The following ABI3BP variants were observed in gnomAD, a reference collection of about 807,000 sequenced individuals.
ABI3BP encodes target of Nesh-SH3.
Under a neutral mutation model 268.6 loss-of-function variants are expected in ABI3BP, and 216 were observed. The ratio of observed to expected loss-of-function variants is 0.80; its 90% CI spans 0.72 to 0.90. The LOEUF (loss-of-function observed/expected upper bound fraction) is 0.90. Ranked by LOEUF, ABI3BP falls within the 40% of genes least tolerant of loss-of-function variation. The probability of loss-of-function intolerance (pLI) is 0.00; values close to 1 mark genes in which losing one functional copy is unlikely to be tolerated. For synonymous variants in ABI3BP, 730 were observed against 730.0 expected (o/e 1.00, Z 0.00); for missense variants, 2,090 against 2,182.4 (o/e 0.96, Z 0.84).
rs1028358420 is a variant in ABI3BP, at chr3:100,935,949, C to T, written c.80-9468G>A. 4.6e-5 allele frequency among the ~76,000 whole-genome samples: 7 copies of T among 152,274 alleles called. No individual in the cohort carries two copies. The South Asian group carries it at 6.2e-4, about 14-fold the overall frequency. ...CAGAGACAATTTGACTTCCACTTTT[C>T]GTACTTGAGTACCCTTTATTTCTTT... On this transcript the variant is annotated intron_variant, in intron 1 of 67. Coordinates refer to ENST00000471714, the MANE Select transcript of ABI3BP (RefSeq NM_001375547.2).
chr3:100,749,538 G>C lies in ABI3BP; in HGVS notation c.*957C>G, dbSNP rs1217999673. On this transcript the variant is annotated 3_prime_UTR_variant, in exon 68 of 68. Coordinates refer to ENST00000471714, the MANE Select transcript of ABI3BP (RefSeq NM_001375547.2). The stretch of plus-strand genomic sequence containing the variant: ...TAGAAATAAATGAGTTAGTTAGTTA[G>C]ATTTTTATTACAGATTGAATTAAAC... 2 of 392,060 alleles carry C rather than the reference G, an allele frequency of 5.1e-6. No individual in the cohort carries two copies. Among genetic ancestry groups the C allele is most frequent in the Non-Finnish European group, 9.0e-6 (2 of 223,264 alleles). The allele number at this position is 392,060 out of a possible 1,614,324, so 24.3% of individuals were successfully genotyped here. A position where few individuals can be genotyped will look rare whatever the true frequency, so the allele number is the denominator to read the frequency against.
chr3:100,800,330 G>T (rs1325936760), intron 51 of ABI3BP, among the ~76,000 whole-genome samples: 18 of 151,554 alleles, frequency 1.2e-4, no homozygotes, highest in Admixed American at 2.0e-4. Flanking sequence ...CAATTTTAAT[G>T]TCTCCTAATT....
intron 3 of ABI3BP, 63 bp from the exon 4 acceptor site, chr3:100,898,957 T>TA: frequency 6.7e-7 from 1 of 1,489,440 alleles, no homozygotes; most frequent in Admixed American, 2.2e-5. Context: ...ATGATTCGGG[T>TA]AAAATGCATT....
chr3:100,844,036 G>A, intron 20 of ABI3BP: 1 of 975,534 alleles, frequency 1.0e-6, no homozygotes. Flanking sequence ...TAAGGTCTAT[G>A]TTTAGTAAAA....
At chr3:100,767,466 A>G (rs1052908937) in intron 62 of ABI3BP, among the ~76,000 whole-genome samples, 55 of 152,254 alleles carry the variant, frequency 3.6e-4, no homozygotes, top group African/African-American at 1.3e-3. Flanking sequence ...TGGCTCTCCG[A>G]ACGGACTGGA....
In ABI3BP at chr3:100,810,500, C is replaced by T. The variant is rs774287899; in HGVS notation, c.3542-23G>A. ...TTTCTATGGTAATTGAAGGAAAGTA[C>T]GCGGGTTACTATAGCACTTGACAGA... On this transcript the variant is annotated intron_variant, in intron 48 of 67. Transcript: ENST00000471714. 1.2e-5 allele frequency: 18 copies of T among 1,517,674 alleles called. No homozygotes were observed. In the Admixed American group the frequency reaches 2.2e-4, roughly 18 times the overall value. 94.0% of individuals were successfully genotyped at this position (1,517,674 alleles called of 1,614,324 possible).
intron 51 of ABI3BP, among the ~76,000 whole-genome samples, chr3:100,802,844 C>T (rs2097570896): frequency 8.8e-6 from 1 of 114,066 alleles, no homozygotes; most frequent in Non-Finnish European, 2.3e-5. Flanking sequence ...CATTAAACTA[C>T]ACATGTCATT....
At chr3:100,879,060 T>C (rs1444219052) in intron 6 of ABI3BP, among the ~76,000 whole-genome samples, 2 of 152,322 alleles carry the variant, frequency 1.3e-5, no homozygotes, top group Non-Finnish European at 2.9e-5. Flanking sequence ...AATTTTGAAC[T>C]ATACATTAAT....
chr3:100,941,222 G>A (rs920618335), intron 1 of ABI3BP, among the ~76,000 whole-genome samples: 3 of 151,766 alleles, frequency 2.0e-5, no homozygotes, highest in Non-Finnish European at 2.9e-5. Context: ...AGAACAGCAC[G>A]TTCCCTCTCC....
chr3:100,803,534 A>G (rs1031711759), intron 51 of ABI3BP, among the ~76,000 whole-genome samples: 1 of 145,988 alleles, frequency 6.8e-6, no homozygotes. Context: ...TGGCTTCAAT[A>G]ATGGCCAACT....
At chr3:100,857,515 A>G (rs2098952800) in intron 14 of ABI3BP, among the ~76,000 whole-genome samples, 1 of 152,172 alleles carries the variant, frequency 6.6e-6, no homozygotes, top group Non-Finnish European at 1.5e-5. Context: ...CACATTCACA[A>G]CGAGAATAAG....
intron 51 of ABI3BP, among the ~76,000 whole-genome samples, chr3:100,801,827 G>A (rs1351947936): frequency 1.1e-4 from 16 of 152,102 alleles, no homozygotes; most frequent in Non-Finnish European, 1.5e-4. Flanking sequence ...ATCTTAAGGA[G>A]GCAGTTCTCT....
intron 1 of ABI3BP, among the ~76,000 whole-genome samples, chr3:100,955,807 C>G (rs2076608772): frequency 2.0e-5 from 3 of 152,092 alleles, no homozygotes; most frequent in African/African-American, 7.2e-5. Flanking sequence ...ACAAAACAAA[C>G]AGTGAATAAA....
chr3:100,904,150 C>CCTCATGGCAATCCTACCTGG (rs2051954991), intron 2 of ABI3BP, among the ~76,000 whole-genome samples: 1 of 152,106 alleles, frequency 6.6e-6, no homozygotes, highest in Non-Finnish European at 1.5e-5. Flanking sequence ...TTCATTACTC[C>CCTCATGGCAATCCTACCTGG]CTCATGGCAA....
At chr3:100,857,117 G>C (rs75384798) in intron 14 of ABI3BP, among the ~76,000 whole-genome samples, 2,968 of 152,200 alleles carry the variant, frequency 0.02, 128 homozygotes, top group East Asian at 0.16. Context: ...GTGAAATGAA[G>C]ACCCATAGAT....
At chr3:100,853,582 A>T (rs1271551297) in intron 14 of ABI3BP, among the ~76,000 whole-genome samples, 1 of 152,110 alleles carries the variant, frequency 6.6e-6, no homozygotes, top group African/African-American at 2.4e-5. Context: ...TAACTCCTAA[A>T]GCTCCCTTCC....
chr3:100,885,646 C>G, intron 5 of ABI3BP, 58 bp from the exon 6 acceptor site: 1 of 1,057,050 alleles, frequency 9.5e-7, no homozygotes, highest in Non-Finnish European at 1.4e-6. Context: ...TAAATCAACT[C>G]TAGCTAATCA....
intron 6 of ABI3BP, among the ~76,000 whole-genome samples, chr3:100,878,912 T>G (rs1328959905): frequency 6.6e-6 from 1 of 152,246 alleles, no homozygotes; most frequent in Non-Finnish European, 1.5e-5. Context: ...TTCATAATTG[T>G]ATCTATTTCT....
At position 100,883,344 on chromosome 3, in the gene ABI3BP, T is replaced by C. The variant is rs146829967; in HGVS notation, c.696+2192A>G. On this transcript the variant is annotated intron_variant, in intron 6 of 67. Coordinates refer to ENST00000471714, the MANE Select transcript of ABI3BP (RefSeq NM_001375547.2). ...TCATGAGTTGTCTATTTCAAAAATG[T>C]CTATGAGCAAACTTAAGCTATAACA... is the stretch of plus-strand genomic sequence containing the variant. Among the ~76,000 whole-genome samples, 224 of 152,250 alleles carry C rather than the reference T, an allele frequency of 1.5e-3. 1 individual carries two copies. The highest frequency in any genetic ancestry group is 5.0e-3 in the African/African-American group (208 of 41,556).
Sources: gnomAD v4.1 joint callset for allele counts (sites outside exome capture counted in the v4.1 genomes callset) on GRCh38, gnomAD v4.1.1 for gene constraint, MANE v1.5 for transcripts, NCBI Gene and HGNC (gene_info 2026-07-23, HGNC 2026-07-21) for gene names.